Variants in SPOCK1 observed in about 807,000 individuals in gnomAD.
The protein encoded by SPOCK1 is testican-1.
In SPOCK1, 23 loss-of-function variants were observed where a neutral mutation model predicts 55.3. That is an observed-to-expected ratio of 0.42 (90% confidence interval 0.30 to 0.59). SPOCK1 has a LOEUF of 0.59. SPOCK1 is among the 20% of genes least tolerant of loss of function. The probability of loss-of-function intolerance (pLI) is 0.22; values close to 1 mark genes in which losing one functional copy is unlikely to be tolerated. For missense variants in SPOCK1, 499 were observed against 552.5 expected (o/e 0.90, Z 0.97); for synonymous variants, 226 against 221.0 (o/e 1.02, Z -0.20).
intron 6 of SPOCK1, among the ~76,000 whole-genome samples, chr5:137,015,369 G>A (rs1751431314): frequency 6.6e-6 from 1 of 152,086 alleles, no homozygotes; most frequent in Admixed American, 6.5e-5. Flanking sequence ...AGAATGGCAT[G>A]AACCTGGGAG....
intron 5 of SPOCK1, among the ~76,000 whole-genome samples, chr5:137,071,496 A>G (rs760318618): frequency 6.6e-6 from 1 of 152,218 alleles, no homozygotes; most frequent in Non-Finnish European, 1.5e-5. Context: ...TTTATTTTAT[A>G]AAGTAAGCAT....
chr5:137,139,298 G>A (rs1012491875), intron 4 of SPOCK1, among the ~76,000 whole-genome samples: 8 of 152,216 alleles, frequency 5.3e-5, no homozygotes, highest in African/African-American at 1.9e-4. Context: ...AGAGGCCAGA[G>A]GGGTATGGGG....
intron 2 of SPOCK1, among the ~76,000 whole-genome samples, chr5:137,465,829 T>G (rs1281548908): frequency 2.6e-5 from 4 of 152,164 alleles, no homozygotes; most frequent in African/African-American, 7.2e-5. Context: ...TCTTCCAAGA[T>G]TTCTAACAAA....
intron 2 of SPOCK1, among the ~76,000 whole-genome samples, chr5:137,441,674 A>G (rs536845455): frequency 6.6e-6 from 1 of 152,272 alleles, no homozygotes; most frequent in African/African-American, 2.4e-5. Flanking sequence ...CTTATGCTGC[A>G]CGGATGGCAA....
intron 9 of SPOCK1, among the ~76,000 whole-genome samples, chr5:136,984,874 A>T (rs1750808855): frequency 6.6e-6 from 1 of 152,196 alleles, no homozygotes; most frequent in South Asian, 2.1e-4. Flanking sequence ...TTAGCCTAAG[A>T]TCAGGGAGGA....
At chr5:137,176,100 TG>T (rs1376552548) in intron 3 of SPOCK1, among the ~76,000 whole-genome samples, 3 of 152,172 alleles carry the variant, frequency 2.0e-5, no homozygotes, top group African/African-American at 7.2e-5. Context: ...TCCTAATGAC[TG>T]AATTAATCTA....
chr5:137,454,148 T>C (rs1457799614), intron 2 of SPOCK1, among the ~76,000 whole-genome samples: 3 of 152,178 alleles, frequency 2.0e-5, no homozygotes, highest in African/African-American at 4.8e-5. Context: ...TAAAATAGAA[T>C]TGTTGTCTCT....
At position 137,146,580 on chromosome 5, in the gene SPOCK1, G is replaced by A. The variant is rs558754978; in HGVS notation, c.233-5886C>T. Among the ~76,000 whole-genome samples the A allele has an allele frequency of 7.2e-5, 11 of 152,296 alleles. No homozygotes were observed. In the South Asian group the frequency reaches 1.5e-3, roughly 20 times the overall value. On this transcript the variant is annotated intron_variant, in intron 3 of 10. Coordinates refer to ENST00000394945, the MANE Select transcript of SPOCK1 (RefSeq NM_004598.4). ...AATTACACCAAACTGTGAAAACCTC[G>A]TCAAGCTATGAGCAGGAACATTTAT...
At chr5:137,061,127 G>C (rs768967186) in intron 6 of SPOCK1, among the ~76,000 whole-genome samples, 1 of 152,170 alleles carries the variant, frequency 6.6e-6, no homozygotes. Context: ...TAAATTCCAA[G>C]TTTGCAAGCC....
intron 2 of SPOCK1, among the ~76,000 whole-genome samples, chr5:137,473,805 T>C (rs999715137): frequency 2.6e-5 from 4 of 152,212 alleles, no homozygotes; most frequent in African/African-American, 9.7e-5. Context: ...CTTCGCACTG[T>C]TAGGATAACC....
rs1756194235 is a variant in SPOCK1 at position 137,237,014 on chromosome 5, C to G, written c.232+29996G>C. On this transcript the variant is annotated intron_variant, in intron 3 of 10. Transcript: ENST00000394945. ...GTTATCGAAAACCACTTTAGCACTG[C>G]TCCAGCTCACAGCCACACTGTCCTC... is the stretch of plus-strand genomic sequence containing the variant. Among the ~76,000 whole-genome samples the G allele has an allele frequency of 2.6e-5, 4 of 152,300 alleles. No homozygotes were observed. The South Asian group carries it at 8.3e-4, about 32-fold the overall frequency.
At chr5:137,113,363 G>A (rs1394492258) in intron 4 of SPOCK1, among the ~76,000 whole-genome samples, 1 of 152,144 alleles carries the variant, frequency 6.6e-6, no homozygotes. Flanking sequence ...CGCTTGGAGC[G>A]ACTCCCAGGG....
intron 2 of SPOCK1, among the ~76,000 whole-genome samples, chr5:137,417,635 A>G (rs1203063879): frequency 6.6e-6 from 1 of 152,146 alleles, no homozygotes; most frequent in African/African-American, 2.4e-5. Flanking sequence ...TAAAGTCTGT[A>G]CTTTTTGTAT....
intron 2 of SPOCK1, among the ~76,000 whole-genome samples, chr5:137,375,892 G>A (rs1751301601): frequency 6.6e-6 from 1 of 152,166 alleles, no homozygotes; most frequent in South Asian, 2.1e-4. Context: ...CTCAGAAGAT[G>A]TGTCTGCAGA....
chr5:137,270,009 G>C (rs1057007828), intron 2 of SPOCK1, among the ~76,000 whole-genome samples: 6 of 152,162 alleles, frequency 3.9e-5, no homozygotes, highest in African/African-American at 1.4e-4. Context: ...TTGCTATGCT[G>C]TCAATAATTC....
intron 2 of SPOCK1, among the ~76,000 whole-genome samples, chr5:137,414,449 T>C (rs1229715): frequency 0.072 from 10,942 of 152,294 alleles, 487 homozygotes; most frequent in Middle Eastern, 0.18. Flanking sequence ...TTCAGTAGAA[T>C]AATAAAAATG....
In SPOCK1 at chr5:136,991,067, C is replaced by T. The variant is rs141519740; in HGVS notation, c.706+1417G>A. On this transcript the variant is annotated intron_variant, in intron 7 of 10. Transcript: ENST00000394945. ...TTTAACATTCCCTTCACTCCAGTTG[C>T]TTCAGGATATCAAACCTAAAAGCCT... Among the ~76,000 whole-genome samples, 6 of 152,264 alleles carry T rather than the reference C, an allele frequency of 3.9e-5. No homozygotes were observed. In the East Asian group the frequency reaches 5.8e-4, roughly 15 times the overall value.
chr5:137,119,548 G>T (rs1340201020), intron 4 of SPOCK1, among the ~76,000 whole-genome samples: 9 of 152,146 alleles, frequency 5.9e-5, no homozygotes, highest in Admixed American at 2.6e-4. Flanking sequence ...TGGGGTATGT[G>T]GGCTCACGTG....
intron 2 of SPOCK1, among the ~76,000 whole-genome samples, chr5:137,354,907 T>G (rs1750759179): frequency 6.6e-6 from 1 of 152,154 alleles, no homozygotes; most frequent in Non-Finnish European, 1.5e-5. Flanking sequence ...GTTTTGTTTT[T>G]TTTTGTTTTT....
Sources: gnomAD v4.1 joint callset for allele counts (sites outside exome capture counted in the v4.1 genomes callset) on GRCh38, gnomAD v4.1.1 for gene constraint, MANE v1.5 for transcripts, NCBI Gene and HGNC (gene_info 2026-07-23, HGNC 2026-07-21) for gene names.